Variants in CHD2 observed in about 807,000 individuals in gnomAD.
CHD2 encodes ATP-dependent chromatin remodeler CHD2.
Under a neutral mutation model 243.9 loss-of-function variants are expected in CHD2, and 28 were observed. The ratio of observed to expected loss-of-function variants is 0.11; its 90% CI spans 0.09 to 0.16. CHD2 has a LOEUF of 0.16. Ranked by LOEUF, CHD2 falls within the 10% of genes least tolerant of loss-of-function variation. CHD2 has a pLI of 1.00. For missense variants in CHD2, 1,386 were observed against 2,209.8 expected (o/e 0.63, Z 7.47); for synonymous variants, 775 against 779.0 (o/e 0.99, Z 0.09).
At chr15:92,908,930 C>A (rs2052674339) in intron 2 of CHD2, among the ~76,000 whole-genome samples, 1 of 151,952 alleles carries the variant, frequency 6.6e-6, no homozygotes, top group African/African-American at 2.4e-5. Flanking sequence ...AACAGCCTGG[C>A]CAACATGGTG....
Position 92,929,921 on chromosome 15 carries a change from C to CA in CHD2, c.443+841dup, listed in dbSNP as rs768001982. Among the ~76,000 whole-genome samples the CA allele has an allele frequency of 4.4e-3, 632 of 142,916 alleles. 3 individuals are homozygous for CA. The highest frequency in any genetic ancestry group is 6.4e-3 in the Non-Finnish European group (419 of 65,176). The allele number at this position is 142,916 out of a possible 152,430, so 93.8% of individuals were successfully genotyped here. ...ATTTTAAAACCCATTTCCTCATCTC[C>CA]AAAAAAAAAAATAATACCATCTACC... On this transcript the variant is annotated intron_variant, in intron 5 of 38. Coordinates refer to ENST00000394196, the MANE Select transcript of CHD2 (RefSeq NM_001271.4).
Position 92,939,837 on chromosome 15 carries a change from G to A in CHD2, c.692+119G>A, listed in dbSNP as rs2053329096. 2.7e-6 allele frequency: 3 copies of A among 1,109,078 alleles called. No individual in the cohort carries two copies. In the Admixed American group the frequency reaches 7.5e-5, roughly 28 times the overall value. The allele number at this position is 1,109,078 out of a possible 1,614,324, so 68.7% of individuals were successfully genotyped here. A position where few individuals can be genotyped will look rare whatever the true frequency, so the allele number is the denominator to read the frequency against. ...AGATAAAAATAACAGCCTATGTCCT[G>A]AAGTTGTTTTCAGAAATCTGGTTAG... On this transcript the variant is annotated intron_variant, in intron 7 of 38. Coordinates refer to ENST00000394196, the MANE Select transcript of CHD2 (RefSeq NM_001271.4).
At chr15:92,991,103 A>G (rs1237697887) in intron 26 of CHD2, among the ~76,000 whole-genome samples, 9 of 152,206 alleles carry the variant, frequency 5.9e-5, no homozygotes, top group Non-Finnish European at 5.9e-5. Context: ...ATGAAACGAT[A>G]TAAGGGTTTG....
chr15:93,014,760 C>T lies in CHD2; in HGVS notation c.4757C>T (p.Ser1586Phe). 2 of 1,614,152 alleles carry T rather than the reference C, an allele frequency of 1.2e-6. No homozygotes were observed. Among genetic ancestry groups the T allele is most frequent in the Non-Finnish European group, 1.7e-6 (2 of 1,180,032 alleles). Reference protein sequence around the residue: ...KKPFRPEASGSSRDSLISQSH... With the variant: ...KKPFRPEASGFSRDSLISQSH... ...CCATTTCGTCCAGAGGCCTCAGGCT[C>T]CAGCCGGGACTCTCTGATATCTCAG... Residue 1586 changes from serine (S) to phenylalanine (F), a missense_variant, in exon 37 of 39, where the codon TCC becomes TTC. Ser to Phe is a radical substitution (Grantham distance 155, BLOSUM62 -2). This residue lies in a region of CHD2 where 347 missense variants were observed against 341.6 expected (regional missense o/e 1.02). Transcript: ENST00000394196.
intron 13 of CHD2, chr15:92,950,278 A>C (rs1292981997): frequency 6.6e-6 from 1 of 152,264 alleles, no homozygotes; most frequent in African/African-American, 2.4e-5. Context: ...TTCTAAAAGA[A>C]ACTGTTATTT....
chr15:92,948,562 G>A (rs935113418), intron 12 of CHD2, among the ~76,000 whole-genome samples: 14 of 152,146 alleles, frequency 9.2e-5, no homozygotes, highest in Non-Finnish European at 1.5e-4. Flanking sequence ...GGCCAGGCGC[G>A]GTGGCTCACG....
chr15:93,004,494 T>C (rs1439807618), intron 33 of CHD2, 123 bp from the exon 34 acceptor site: 4 of 947,620 alleles, frequency 4.2e-6, no homozygotes, highest in African/African-American at 1.7e-5. Flanking sequence ...TATTTTACTT[T>C]TTAAAAAATA....
chr15:92,963,826 C>G (rs1237025230), intron 16 of CHD2, among the ~76,000 whole-genome samples: 2 of 152,132 alleles, frequency 1.3e-5, no homozygotes, highest in African/African-American at 4.8e-5. Context: ...TTCATAAAAC[C>G]ATTGAGACGA....
At position 92,972,249 on chromosome 15, in the gene CHD2, T is replaced by C. The variant is rs1316490821; in HGVS notation, c.2353-16T>C. The C allele has an allele frequency of 1.9e-6, 3 of 1,599,740 alleles. No homozygotes were observed. Among genetic ancestry groups the C allele is most frequent in the Non-Finnish European group, 2.6e-6 (3 of 1,174,992 alleles). ...GTGTTTCAACATAATTATTGGAATGTCTTTTAAATCTTCAGTCCCTCATAA... is the reference window on the plus strand; with the variant it reads ...GTGTTTCAACATAATTATTGGAATGCCTTTTAAATCTTCAGTCCCTCATAA... On this transcript the variant is annotated splice_polypyrimidine_tract_variant and intron_variant, in intron 18 of 38. Transcript: ENST00000394196.
rs1898914 is a variant in CHD2 at position 92,908,486 on chromosome 15, G to A, written c.62+7187G>A. 7.9e-3 allele frequency among the ~76,000 whole-genome samples: 1,209 copies of A among 152,218 alleles called. 53 individuals carry two copies. The highest frequency in any genetic ancestry group is 0.068 in the Admixed American group (1,039 of 15,288). On this transcript the variant is annotated intron_variant, in intron 2 of 38. Transcript: ENST00000394196. The stretch of plus-strand genomic sequence containing the variant: ...CTACTTTTTATTCCCATTTCAGACT[G>A]TGGAGAGCTTCTAAAAATACCAGTG...
At chr15:93,003,279 C>T (rs1283053974) in intron 33 of CHD2, among the ~76,000 whole-genome samples, 1 of 112,474 alleles carries the variant, frequency 8.9e-6, no homozygotes, top group Admixed American at 1.1e-4. Flanking sequence ...AGAGGAAGAC[C>T]TTGTCTCAAA....
intron 26 of CHD2, among the ~76,000 whole-genome samples, chr15:92,990,884 T>C (rs2054109538): frequency 6.6e-6 from 1 of 152,196 alleles, no homozygotes; most frequent in African/African-American, 2.4e-5. Flanking sequence ...GGGTAGAGAC[T>C]TGCAGGAAGA....
chr15:92,932,271 A>G (rs1307907845), intron 5 of CHD2, among the ~76,000 whole-genome samples: 1 of 149,496 alleles, frequency 6.7e-6, no homozygotes, highest in Non-Finnish European at 1.5e-5. Flanking sequence ...GGTCAGTTAC[A>G]TACAATTAGT....
Position 93,024,761 on chromosome 15 carries a change from CTGATCCT to C in CHD2, c.*57_*63del. 1 of 1,468,382 alleles carries C rather than the reference CTGATCCT, an allele frequency of 6.8e-7. No homozygotes were observed. The highest frequency in any genetic ancestry group is 2.3e-5 in the East Asian group (1 of 43,572). 91.0% of individuals were successfully genotyped at this position (1,468,382 alleles called of 1,614,324 possible). On this transcript the variant is annotated 3_prime_UTR_variant, in exon 39 of 39. Transcript: ENST00000394196. ...CACCAAACACGTGGATATTTTTGGT[CTGATCCT>C]ACAGTAGCCGGTTATCTAGACCAGT...
chr15:92,930,455 CAG>C (rs1184915627), intron 5 of CHD2, among the ~76,000 whole-genome samples: 7 of 152,012 alleles, frequency 4.6e-5, no homozygotes, highest in Non-Finnish European at 1.0e-4. Flanking sequence ...TGTTTTGAGA[CAG>C]GGTCTCACTC....
chr15:92,998,641 G>C lies in CHD2; in HGVS notation c.4008+20G>C. 1 of 1,608,404 alleles carries C rather than the reference G, an allele frequency of 6.2e-7. No homozygotes were observed. The highest frequency in any genetic ancestry group is 8.5e-7 in the Non-Finnish European group (1 of 1,176,966). ...GAAGAGGTGAGTACGCTGCCAGCTGGTTGTTTTTCAGGGGCCTGAGGCTCC... is the reference window on the plus strand; with the variant it reads ...GAAGAGGTGAGTACGCTGCCAGCTGCTTGTTTTTCAGGGGCCTGAGGCTCC... On this transcript the variant is annotated intron_variant, in intron 31 of 38. Transcript: ENST00000394196. The surrounding 1 kb of genome is among the most constrained non-coding windows in gnomAD (Gnocchi z 5.1).
chr15:92,963,826 C>T (rs1237025230), intron 16 of CHD2, among the ~76,000 whole-genome samples: 2 of 152,132 alleles, frequency 1.3e-5, no homozygotes, highest in Non-Finnish European at 2.9e-5. Context: ...TTCATAAAAC[C>T]ATTGAGACGA....
At chr15:92,934,829 G>C (rs2053236558) in intron 5 of CHD2, among the ~76,000 whole-genome samples, 1 of 152,046 alleles carries the variant, frequency 6.6e-6, no homozygotes, top group African/African-American at 2.4e-5. Context: ...TTTAAACCTT[G>C]AGTTTTTCAA....
chr15:92,949,611 A>T (rs1171748693), intron 13 of CHD2, among the ~76,000 whole-genome samples: 1 of 152,112 alleles, frequency 6.6e-6, no homozygotes, highest in African/African-American at 2.4e-5. Flanking sequence ...AGACCACGTT[A>T]ATCTTGGGGG....
Sources: allele counts gnomAD v4.1 joint callset (sites outside exome capture counted in the v4.1 genomes callset), GRCh38; gene constraint gnomAD v4.1.1; regional missense constraint gnomAD v4.1.1; non-coding constraint Gnocchi (gnomAD v3.1); transcripts MANE v1.5; gene names NCBI Gene and HGNC (gene_info 2026-07-23, HGNC 2026-07-21).